Variants in UNC13C observed in about 807,000 individuals in gnomAD.
UNC13C encodes protein unc-13 homolog C.
Under a neutral mutation model 245.4 loss-of-function variants are expected in UNC13C, and 174 were observed. That is an observed-to-expected ratio of 0.71 (90% CI 0.63 to 0.80). UNC13C has a LOEUF of 0.80. Ranked by LOEUF, UNC13C falls within the 30% of genes least tolerant of loss-of-function variation. The pLI is 0.00. For synonymous variants in UNC13C, 992 were observed against 895.1 expected (o/e 1.11, Z -1.93); for missense variants, 2,829 against 2,602.9 (o/e 1.09, Z -1.89).
chr15:54,203,206 G>A (rs1389600078), intron 4 of UNC13C, among the ~76,000 whole-genome samples: 1 of 151,664 alleles, frequency 6.6e-6, no homozygotes, highest in Non-Finnish European at 1.5e-5. Flanking sequence ...CAGTGAAAAG[G>A]GAACATTTTT....
At chr15:54,292,715 T>C (rs1285385357) in intron 10 of UNC13C, among the ~76,000 whole-genome samples, 2 of 151,648 alleles carry the variant, frequency 1.3e-5, no homozygotes, top group African/African-American at 2.4e-5. Flanking sequence ...AGTTTAATGA[T>C]AGGTACAAAT....
chr15:54,277,149 T>C (rs981145712), intron 10 of UNC13C, among the ~76,000 whole-genome samples: 1 of 152,170 alleles, frequency 6.6e-6, no homozygotes, highest in African/African-American at 2.4e-5. Context: ...AACTCAGATG[T>C]TGACATTTTT....
the UNC13C span, among the ~76,000 whole-genome samples, chr15:53,897,022 A>G: frequency 6.6e-6 from 1 of 151,364 alleles, no homozygotes; most frequent in African/African-American, 2.4e-5. Context: ...GACTGTGGAA[A>G]TCACTGACAG....
chr15:54,152,553 A>G (rs1305023867), intron 4 of UNC13C, among the ~76,000 whole-genome samples: 1 of 152,198 alleles, frequency 6.6e-6, no homozygotes, highest in Non-Finnish European at 1.5e-5. Context: ...CCTTCCAGAT[A>G]TTCTTGAGTT....
At chr15:54,538,157 A>AAAAAAAC (rs1896076301) in intron 26 of UNC13C, among the ~76,000 whole-genome samples, 1 of 147,406 alleles carries the variant, frequency 6.8e-6, no homozygotes, top group Admixed American at 6.8e-5. Context: ...AAAAAAAAAA[A>AAAAAAAC]AAAAAAACCC....
chr15:54,388,565 T>G (rs1477204381), intron 17 of UNC13C, among the ~76,000 whole-genome samples: 5 of 152,204 alleles, frequency 3.3e-5, no homozygotes, highest in Non-Finnish European at 7.3e-5. Flanking sequence ...ACAAGGCTTA[T>G]CTGCAAGATA....
the UNC13C span, among the ~76,000 whole-genome samples, chr15:53,870,162 G>A: frequency 6.6e-6 from 1 of 152,008 alleles, no homozygotes; most frequent in East Asian, 1.9e-4. Context: ...ATATAGTTTT[G>A]TCTAAATCCT....
At chr15:54,273,374 C>G (rs920076904) in intron 10 of UNC13C, among the ~76,000 whole-genome samples, 3 of 152,134 alleles carry the variant, frequency 2.0e-5, no homozygotes, top group Non-Finnish European at 4.4e-5. Context: ...CCGCTTTTCC[C>G]TTTCCTCGCT....
At chr15:53,969,804 C>G in the UNC13C span, among the ~76,000 whole-genome samples, 49 of 151,794 alleles carry the variant, frequency 3.2e-4, no homozygotes, top group Admixed American at 1.4e-3. Context: ...TGTTGTGGGA[C>G]AGATCTCTAG....
chr15:53,904,201 G>C, the UNC13C span, among the ~76,000 whole-genome samples: 6 of 152,126 alleles, frequency 3.9e-5, no homozygotes, highest in East Asian at 1.9e-4. Context: ...AGACTCTCTT[G>C]GTTCAGTTTC....
chr15:54,018,062 TGGC>T (rs1164414167), intron 2 of UNC13C, among the ~76,000 whole-genome samples: 6 of 152,160 alleles, frequency 3.9e-5, no homozygotes, highest in Admixed American at 3.9e-4. Flanking sequence ...CTGCTCCCCT[TGGC>T]AGCAGTCAGG....
chr15:54,251,274 A>G (rs1364107548), intron 8 of UNC13C, among the ~76,000 whole-genome samples: 4 of 152,174 alleles, frequency 2.6e-5, no homozygotes, highest in Non-Finnish European at 5.9e-5. Context: ...TTTGAATGTC[A>G]ACAACATATG....
chr15:53,987,561 G>T (rs1319691), intron 1 of UNC13C, among the ~76,000 whole-genome samples: 150,158 of 152,044 alleles, frequency 0.99, 74,174 homozygotes, highest in Middle Eastern at 1. Flanking sequence ...TGTTTAATAT[G>T]CTGCAGCACT....
chr15:54,091,598 T>C (rs1899576474), intron 2 of UNC13C, among the ~76,000 whole-genome samples: 1 of 152,162 alleles, frequency 6.6e-6, no homozygotes, highest in African/African-American at 2.4e-5. Flanking sequence ...TGTGTTTATT[T>C]CTATAGATTT....
intron 4 of UNC13C, among the ~76,000 whole-genome samples, chr15:54,212,635 CCTT>C (rs1321635452): frequency 6.6e-5 from 10 of 152,014 alleles, no homozygotes; most frequent in Non-Finnish European, 1.5e-4. Context: ...AGTTTTTCTC[CCTT>C]CTTCTCCCTC....
intron 2 of UNC13C, among the ~76,000 whole-genome samples, chr15:54,060,879 A>G (rs1897791307): frequency 6.6e-6 from 1 of 152,108 alleles, no homozygotes; most frequent in South Asian, 2.1e-4. Context: ...CAAAAAACCA[A>G]ACACCGCAGT....
At chr15:53,918,370 A>C in the UNC13C span, among the ~76,000 whole-genome samples, 11 of 151,046 alleles carry the variant, frequency 7.3e-5, no homozygotes, top group African/African-American at 2.7e-4. Flanking sequence ...TTTTTTTCTC[A>C]CTCTCTTATC....
At chr15:53,921,249 C>T in the UNC13C span, among the ~76,000 whole-genome samples, 4 of 152,222 alleles carry the variant, frequency 2.6e-5, no homozygotes, top group East Asian at 1.9e-4. Context: ...TTTTACTCTG[C>T]GAACTTCTCA....
In UNC13C at chr15:54,393,722, A is replaced by G. The variant is rs981833589; in HGVS notation, c.4847+541A>G. ...AATTAAAATTCATGACTATTCTAGA[A>G]GAGACCGTAAAAATCCTCATTTTAT... On this transcript the variant is annotated intron_variant, in intron 18 of 32. Transcript: ENST00000260323. Among the ~76,000 whole-genome samples, 11 of 152,038 alleles carry G rather than the reference A, an allele frequency of 7.2e-5. No homozygotes were observed. The South Asian group carries it at 2.3e-3, about 31-fold the overall frequency.
Sources: gnomAD v4.1 joint callset for allele counts (sites outside exome capture counted in the v4.1 genomes callset) on GRCh38, gnomAD v4.1.1 for gene constraint, MANE v1.5 for transcripts, NCBI Gene and HGNC (gene_info 2026-07-23, HGNC 2026-07-21) for gene names.